The following SLC16A7 variants were observed in gnomAD, a reference collection of about 807,000 sequenced individuals.
SLC16A7 encodes the protein monocarboxylate transporter 2.
Under a neutral mutation model 34.9 loss-of-function variants are expected in SLC16A7, and 33 were observed. That is an observed-to-expected ratio of 0.94 (90% CI 0.72 to 1.26). SLC16A7 has a LOEUF of 1.26. Among genes scored for constraint, SLC16A7 ranks in the 50% most tolerant of loss-of-function variants. The probability of loss-of-function intolerance (pLI) is 0.00; values close to 1 mark genes in which losing one functional copy is unlikely to be tolerated. For missense variants in SLC16A7, 573 were observed against 578.1 expected (o/e 0.99, Z 0.09); for synonymous variants, 201 against 206.6 (o/e 0.97, Z 0.23).
intron 2 of SLC16A7, among the ~76,000 whole-genome samples, chr12:59,700,452 A>G (rs976634872): frequency 2.0e-5 from 3 of 149,732 alleles, no homozygotes; most frequent in African/African-American, 7.3e-5. Context: ...TGCATATAAT[A>G]TAGAAAATTT....
intron 3 of SLC16A7, among the ~76,000 whole-genome samples, chr12:59,706,441 A>G (rs144898112): frequency 1.3e-5 from 2 of 152,148 alleles, no homozygotes; most frequent in African/African-American, 4.8e-5. Context: ...GTGACTTTAT[A>G]TTAATACAGC....
intron 4 of SLC16A7, among the ~76,000 whole-genome samples, chr12:59,773,838 C>G (rs1882473128): frequency 6.6e-6 from 1 of 152,184 alleles, no homozygotes; most frequent in African/African-American, 2.4e-5. Context: ...GCTGGGATTA[C>G]AGGCATGAAC....
chr12:59,612,733 G>T (rs1879256133), intron 1 of SLC16A7, among the ~76,000 whole-genome samples: 1 of 152,158 alleles, frequency 6.6e-6, no homozygotes, highest in Admixed American at 6.5e-5. Flanking sequence ...AAGTTCCACA[G>T]ATCTTTAGGG....
At chr12:59,606,428 T>TA (rs1433919632) in intron 1 of SLC16A7, among the ~76,000 whole-genome samples, 1 of 152,176 alleles carries the variant, frequency 6.6e-6, no homozygotes, top group African/African-American at 2.4e-5. Flanking sequence ...TATAATGACT[T>TA]AGAGATATTT....
At chr12:59,752,691 A>G (rs1261237802) in intron 3 of SLC16A7, among the ~76,000 whole-genome samples, 1 of 152,196 alleles carries the variant, frequency 6.6e-6, no homozygotes. Flanking sequence ...GCAGGATATT[A>G]TCCAGGAGAA....
At chr12:59,708,047 T>C (rs1170134497) in intron 3 of SLC16A7, among the ~76,000 whole-genome samples, 1 of 152,168 alleles carries the variant, frequency 6.6e-6, no homozygotes, top group African/African-American at 2.4e-5. Flanking sequence ...TAGTTTCTAA[T>C]CTTTTAACCA....
chr12:59,705,023 G>T lies in SLC16A7; in HGVS notation c.217+5G>T. The T allele has an allele frequency of 6.4e-7, 1 of 1,574,482 alleles. No individual in the cohort carries two copies. The highest frequency in any genetic ancestry group is 1.1e-5 in the South Asian group (1 of 90,236). ...TGGCTGTTATGTACGCAGGAGGTAA[G>T]CTTCTTGCAATAAATAGAATCCTGA... On this transcript the variant is annotated splice_donor_5th_base_variant and intron_variant, in intron 3 of 5. Transcript: ENST00000547379.
intron 1 of SLC16A7, among the ~76,000 whole-genome samples, chr12:59,622,619 G>A (rs1238427774): frequency 6.6e-6 from 1 of 151,580 alleles, no homozygotes; most frequent in Non-Finnish European, 1.5e-5. Flanking sequence ...TGTTTACTTT[G>A]TGGTTTTTTG....
At chr12:59,733,960 T>C (rs1013525276) in intron 3 of SLC16A7, 2 of 387,602 alleles carry the variant, frequency 5.2e-6, no homozygotes, top group African/African-American at 2.1e-5. Context: ...TTTTAAGGGG[T>C]CAGAAGGGAG....
At chr12:59,773,845 G>A (rs573861978) in intron 4 of SLC16A7, among the ~76,000 whole-genome samples, 1 of 152,278 alleles carries the variant, frequency 6.6e-6, no homozygotes, top group East Asian at 1.9e-4. Flanking sequence ...TTACAGGCAT[G>A]AACCACCACT....
intron 2 of SLC16A7, among the ~76,000 whole-genome samples, chr12:59,694,589 A>G (rs1006894703): frequency 1.3e-5 from 2 of 151,932 alleles, no homozygotes; most frequent in Admixed American, 6.6e-5. Flanking sequence ...CAGTATTGTT[A>G]ACTACAGATA....
intron 2 of SLC16A7, among the ~76,000 whole-genome samples, chr12:59,685,038 A>G (rs1469557008): frequency 6.6e-6 from 1 of 152,126 alleles, no homozygotes; most frequent in Admixed American, 6.5e-5. Flanking sequence ...AATCTTGACT[A>G]GTACAGGAAG....
chr12:59,681,120 C>G (rs1870712205), intron 2 of SLC16A7, among the ~76,000 whole-genome samples: 1 of 152,196 alleles, frequency 6.6e-6, no homozygotes, highest in African/African-American at 2.4e-5. Context: ...CAAATCCATG[C>G]CACACCTGAC....
intron 2 of SLC16A7, among the ~76,000 whole-genome samples, chr12:59,661,168 A>G (rs190000555): frequency 1.2e-4 from 19 of 152,178 alleles, no homozygotes; most frequent in Admixed American, 1.2e-3. Flanking sequence ...AGTTTTGAGT[A>G]GGAGCATGCC....
At position 59,656,878 on chromosome 12, in the gene SLC16A7, A is replaced by G. The variant is rs191879194; in HGVS notation, c.-31+1628A>G. Among the ~76,000 whole-genome samples, 69 of 152,072 alleles carry G rather than the reference A, an allele frequency of 4.5e-4. 6 individuals are homozygous for G. In the South Asian group the frequency reaches 7.1e-3, roughly 16 times the overall value. On this transcript the variant is annotated intron_variant, in intron 2 of 5. Coordinates refer to ENST00000547379, the MANE Select transcript of SLC16A7 (RefSeq NM_001270623.2). ...AACCAGCTTAACCCTGCCTGTTCTT[A>G]TTAAGAGTACAGAATATGGATCTTG...
chr12:59,693,825 T>C (rs1871955173), intron 2 of SLC16A7, among the ~76,000 whole-genome samples: 2 of 151,850 alleles, frequency 1.3e-5, no homozygotes, highest in African/African-American at 4.8e-5. Flanking sequence ...TTAGCTTTCA[T>C]GTTGTGTTAT....
intron 2 of SLC16A7, among the ~76,000 whole-genome samples, chr12:59,687,114 A>G (rs572681097): frequency 6.6e-6 from 1 of 152,070 alleles, no homozygotes; most frequent in South Asian, 2.1e-4. Context: ...AAAATGCTAA[A>G]GTCATACTCT....
chr12:59,723,718 C>T (rs2137213325), intron 3 of SLC16A7, among the ~76,000 whole-genome samples: 1 of 152,120 alleles, frequency 6.6e-6, no homozygotes, highest in South Asian at 2.1e-4. Flanking sequence ...TGCACAATGA[C>T]TCTGTGTGCT....
intron 1 of SLC16A7, among the ~76,000 whole-genome samples, chr12:59,634,597 A>G (rs1346469321): frequency 6.6e-6 from 1 of 151,928 alleles, no homozygotes; most frequent in Non-Finnish European, 1.5e-5. Flanking sequence ...CACCTGAGGG[A>G]TGGTGGAGGA....
Sources: gnomAD v4.1 joint callset for allele counts (sites outside exome capture counted in the v4.1 genomes callset) on GRCh38, gnomAD v4.1.1 for gene constraint, MANE v1.5 for transcripts, NCBI Gene and HGNC (gene_info 2026-07-23, HGNC 2026-07-21) for gene names.